The following FANCD2 variants were observed in gnomAD, a reference collection of about 807,000 sequenced individuals.
FANCD2 encodes the protein FA complementation group D2.
A neutral mutation model predicts 192.3 loss-of-function variants in FANCD2; 131 were observed. The observed-to-expected ratio is 0.68, with a 90% CI of 0.59 to 0.79. FANCD2 has a LOEUF of 0.79. Ranked by LOEUF, FANCD2 falls within the 30% of genes least tolerant of loss-of-function variation. FANCD2 has a pLI of 0.00. For synonymous variants in FANCD2, 524 were observed against 612.5 expected, an observed-to-expected ratio of 0.86 and a Z score of 2.13; for missense variants, 1,508 against 1,701.6, an observed-to-expected ratio of 0.89 and a Z score of 2.00.
At chr3:10,029,060 G>A (rs2086527118) in intron 2 of FANCD2, among the ~76,000 whole-genome samples, 1 of 151,770 alleles carries the variant, frequency 6.6e-6, no homozygotes, top group Non-Finnish European at 1.5e-5. Flanking sequence ...TCCTCTCTTG[G>A]AAAAAAAATA....
At chr3:10,029,518 G>A (rs2086538416) in intron 2 of FANCD2, among the ~76,000 whole-genome samples, 1 of 152,000 alleles carries the variant, frequency 6.6e-6, no homozygotes, top group Admixed American at 6.6e-5. Flanking sequence ...AAAGGGAGTG[G>A]GGGGCGGGGA....
Position 10,051,197 on chromosome 3 carries a change from G to A in FANCD2, c.1546-1190G>A, listed in dbSNP as rs574273609. ...AGATCGAGACCATCCCGGCTAAAACGGTGAAACCCCGTCTCTACTAAAAAT... is the reference window on the plus strand; with the variant it reads ...AGATCGAGACCATCCCGGCTAAAACAGTGAAACCCCGTCTCTACTAAAAAT... On this transcript the variant is annotated intron_variant, in intron 17 of 43. Coordinates refer to ENST00000675286, the MANE Select transcript of FANCD2 (RefSeq NM_001018115.3). Among the ~76,000 whole-genome samples the A allele has an allele frequency of 3.3e-5, 5 of 150,282 alleles. No homozygotes were observed. In the East Asian group the frequency reaches 9.8e-4, roughly 29 times the overall value.
At chr3:10,045,101 T>TTTTTTTTTTTTTTTCC (rs397948524) in intron 14 of FANCD2, among the ~76,000 whole-genome samples, 9 of 149,168 alleles carry the variant, frequency 6.0e-5, no homozygotes, top group African/African-American at 2.3e-4. Flanking sequence ...TTTTTTTTTT[T>TTTTTTTTTTTTTTTCC]CCTGGAAGCA....
chr3:10,088,418 T>A (rs781077760), intron 34 of FANCD2, 31 bp from the exon 35 acceptor site: 16 of 1,335,992 alleles, frequency 1.2e-5, no homozygotes, highest in Non-Finnish European at 1.6e-5. Flanking sequence ...AGTTCCCATA[T>A]GTAAGATTCC....
intron 28 of FANCD2, 81 bp downstream of exon 28, chr3:10,073,443 T>G: frequency 5.3e-6 from 6 of 1,142,684 alleles, no homozygotes; most frequent in Non-Finnish European, 7.9e-6. Context: ...CTCGGCATTT[T>G]ACAAAGAAAA....
At chr3:10,081,659 A>G (rs1693845217) in intron 32 of FANCD2, 195 bp downstream of exon 32, 6 of 615,176 alleles carry the variant, frequency 9.8e-6, no homozygotes, top group Non-Finnish European at 1.7e-5. Context: ...TGGAGCCACT[A>G]TGTTAACCCA....
intron 18 of FANCD2, among the ~76,000 whole-genome samples, chr3:10,055,583 C>T (rs551908965): frequency 1.1e-3 from 163 of 152,140 alleles, no homozygotes; most frequent in African/African-American, 3.8e-3. Context: ...GAGGCTGAGG[C>T]GGGCAGATCA....
At chr3:10,070,638 C>T (rs1410127114) in intron 26 of FANCD2, among the ~76,000 whole-genome samples, 2 of 144,822 alleles carry the variant, frequency 1.4e-5, no homozygotes, top group African/African-American at 5.1e-5. Flanking sequence ...TACCCAACAG[C>T]TCATTGAGAA....
chr3:10,093,274 C>G lies in FANCD2; in HGVS notation c.3850-11C>G. On this transcript the variant is annotated splice_polypyrimidine_tract_variant and intron_variant, in intron 38 of 43. Coordinates refer to ENST00000675286, the MANE Select transcript of FANCD2 (RefSeq NM_001018115.3). ...ATCTCAGCCTTGGTTTCTTGTCTTT[C>G]ACCTCTCCAGGTATTTGATAGTCAT... The G allele has an allele frequency of 6.2e-7, 1 of 1,612,246 alleles. No individual in the cohort carries two copies. The highest frequency in any genetic ancestry group is 2.2e-5 in the East Asian group (1 of 44,882).
intron 7 of FANCD2, among the ~76,000 whole-genome samples, chr3:10,038,054 G>A (rs367980494): frequency 3.3e-5 from 5 of 152,116 alleles, no homozygotes; most frequent in South Asian, 2.1e-4. Flanking sequence ...ACAGTGGTGC[G>A]ATCTTGGCTC....
intron 18 of FANCD2, 111 bp from the exon 19 acceptor site, chr3:10,060,183 C>G: frequency 1.9e-6 from 1 of 537,880 alleles, no homozygotes; most frequent in Non-Finnish European, 3.3e-6. Context: ...AAAAAAAAAA[C>G]AGTTAGTAAA....
chr3:10,072,714 C>G (rs1296751260), intron 26 of FANCD2, among the ~76,000 whole-genome samples, 157 bp from the exon 27 acceptor site: 1 of 152,110 alleles, frequency 6.6e-6, no homozygotes, highest in Non-Finnish European at 1.5e-5. Context: ...TTTGCTATGC[C>G]AAAACAATGT....
intron 42 of FANCD2, among the ~76,000 whole-genome samples, chr3:10,097,904 T>C (rs894864754): frequency 3.9e-5 from 6 of 152,228 alleles, no homozygotes; most frequent in African/African-American, 1.4e-4. Flanking sequence ...CACGTTCTTC[T>C]GTCAAGGCTT....
chr3:10,101,219 A>T lies in FANCD2; in HGVS notation c.4313A>T (p.Glu1438Val). 1 of 1,613,388 alleles carries T rather than the reference A, an allele frequency of 6.2e-7. No individual in the cohort carries two copies. The highest frequency in any genetic ancestry group is 8.5e-7 in the Non-Finnish European group (1 of 1,179,440). Residue 1438 changes from glutamate to valine, a missense_variant, in exon 44 of 44, where the codon GAA becomes GTA. Around this residue, in one of 5 missense-constraint regions of FANCD2, gnomAD observed 796 missense variants for 879.4 expected, o/e 0.91. Transcript: ENST00000675286. ...DGEEDEVSAG[E>V]KEQDSDESYD... ...GAAGAAGACGAAGTAAGTGCTGGAG[A>T]AAAGGAGCAAGATAGTGATGAGAGT...
chr3:10,060,384 G>A lies in FANCD2; in HGVS notation c.1747G>A (p.Gly583Ser), dbSNP rs2125026777. Residue 583 changes from glycine (G) to serine (S), a missense_variant, in exon 19 of 44, where the codon GGC becomes AGC. Physicochemically the swap from Gly to Ser is moderately conservative, Grantham distance 56. This residue lies in a region of FANCD2 where 110 missense variants were observed against 114.4 expected (regional missense o/e 0.96). Coordinates refer to ENST00000675286, the MANE Select transcript of FANCD2 (RefSeq NM_001018115.3). ...GATTATTGGTGCTGTGACCATGGCT[G>A]GCATCATGGCGGCAGACAGGTACAC... ...IGIIGAVTMA[G>S]IMAADRSESP... The A allele has an allele frequency of 6.2e-7, 1 of 1,613,824 alleles. No individual in the cohort carries two copies. The highest frequency in any genetic ancestry group is 8.5e-7 in the Non-Finnish European group (1 of 1,179,818).
chr3:10,056,367 C>G (rs2087413196), intron 18 of FANCD2, among the ~76,000 whole-genome samples: 1 of 152,034 alleles, frequency 6.6e-6, no homozygotes. Context: ...ATATGATGAC[C>G]ATATGTTTAC....
At chr3:10,043,628 A>G (rs749495188) in intron 13 of FANCD2, 36 bp downstream of exon 13, 2 of 1,485,164 alleles carry the variant, frequency 1.3e-6, no homozygotes, top group South Asian at 1.1e-5. Flanking sequence ...CAAGGAGGAA[A>G]TGAGTGGCAA....
In FANCD2 at chr3:10,047,973, T is replaced by C. The variant is rs1575759741; in HGVS notation, c.1335T>C (p.Ser445=). 1 of 1,614,002 alleles carries C rather than the reference T, an allele frequency of 6.2e-7. No individual in the cohort carries two copies. Among genetic ancestry groups the C allele is most frequent in the Non-Finnish European group, 8.5e-7 (1 of 1,180,054 alleles). ...CGCTGGCTCAGAGTTTGCTTCACTCTCTAGACCAGAGTATAATTTCATTTG... is the reference window on the plus strand; with the variant it reads ...CGCTGGCTCAGAGTTTGCTTCACTCCCTAGACCAGAGTATAATTTCATTTG... ...ILSLAQSLLH[S]LDQSIISFGS... is the part of the protein sequence containing the mutation. The change falls in exon 16 of 44, where the codon TCT becomes TCC. Residue 445 remains serine (S), a synonymous_variant. Coordinates refer to ENST00000675286, the MANE Select transcript of FANCD2 (RefSeq NM_001018115.3).
chr3:10,052,442 A>T lies in FANCD2; in HGVS notation c.1601A>T (p.Tyr534Phe), dbSNP rs143701205. The change falls in exon 18 of 44, where the codon TAT becomes TTT. Residue 534 changes from tyrosine (Y) to phenylalanine (F), a missense_variant. Transcript: ENST00000675286. ...CCTCAGCAAATACGAAAACTCTTCT[A>T]TGTTCTCAGCACACTGGCATTTAGC... ...ISPQQIRKLF[Y>F]VLSTLAFSKQ... 16 of 1,612,892 alleles carry T rather than the reference A, an allele frequency of 9.9e-6. No individual in the cohort carries two copies. Among genetic ancestry groups the T allele is most frequent in the Non-Finnish European group, 1.4e-5 (16 of 1,179,918 alleles).
Sources: allele counts gnomAD v4.1 joint callset (sites outside exome capture counted in the v4.1 genomes callset), GRCh38; gene constraint gnomAD v4.1.1; regional missense constraint gnomAD v4.1.1; transcripts MANE v1.5; gene names NCBI Gene and HGNC (gene_info 2026-07-23, HGNC 2026-07-21).